The following SLK variants were observed in gnomAD, a reference collection of about 807,000 sequenced individuals.
The protein encoded by SLK is STE20 like kinase, also known as STE20-like serine/threonine-protein kinase.
Under a neutral mutation model 147.7 loss-of-function variants are expected in SLK, and 67 were observed. That is an observed-to-expected ratio of 0.45 (90% confidence interval 0.37 to 0.56). The LOEUF (loss-of-function observed/expected upper bound fraction) is 0.56. Ranked by LOEUF, SLK falls within the 20% of genes least tolerant of loss-of-function variation. The probability of loss-of-function intolerance (pLI) is 0.00; values close to 1 mark genes in which losing one functional copy is unlikely to be tolerated. For missense variants in SLK, 1,136 were observed against 1,438.8 expected, an observed-to-expected ratio of 0.79 and a Z score of 3.41; for synonymous variants, 441 against 475.0, an observed-to-expected ratio of 0.93 and a Z score of 0.93.
rs1422106961 is a variant in SLK, at chr10:104,003,159, G to A, written c.1981G>A (p.Asp661Asn). ...GGTCAGAAGTGTGGTGGCTGATACT[G>A]ACCAAAAGGCTTTAGGAAGTGAAGT... ...MEVRSVVADT[D>N]QKALGSEVQD... Residue 661 changes from aspartate (D) to asparagine (N), a missense_variant, in exon 9 of 19, where the codon GAC becomes AAC. This residue lies in a region of SLK where 516 missense variants were observed against 531.3 expected (regional missense o/e 0.97). Transcript: ENST00000369755. The A allele has an allele frequency of 2.5e-6, 4 of 1,614,076 alleles. No individual in the cohort carries two copies. The Admixed American group carries it at 6.7e-5, about 27-fold the overall frequency.
At chr10:103,992,951 AAGC>A in intron 3 of SLK, 30 bp from the exon 4 acceptor site, 1 of 1,550,398 alleles carries the variant, frequency 6.4e-7, no homozygotes. Flanking sequence ...ACTGTATAAA[AAGC>A]AGATTTTTTT....
chr10:104,018,796 C>T lies in SLK; in HGVS notation c.3020C>T (p.Ala1007Val), dbSNP rs1289730087. Residue 1007 changes from alanine to valine, a missense_variant, in exon 15 of 19, where the codon GCA becomes GTA. This residue lies in a region of SLK where 327 missense variants were observed against 457.5 expected (regional missense o/e 0.71). Transcript: ENST00000369755. ...TGCTGTCTTCTAGCTCGAGAAGCTGCAATTTGGGAGCTCGAAGAACGACAC... is the reference window on the plus strand; with the variant it reads ...TGCTGTCTTCTAGCTCGAGAAGCTGTAATTTGGGAGCTCGAAGAACGACAC... Reference protein sequence around the residue: ...KQQLMRAREAAIWELEERHLQ... With the variant: ...KQQLMRAREAVIWELEERHLQ... 1 of 1,611,220 alleles carries T rather than the reference C, an allele frequency of 6.2e-7. No individual in the cohort carries two copies. The highest frequency in any genetic ancestry group is 8.5e-7 in the Non-Finnish European group (1 of 1,179,316).
In SLK at chr10:104,026,753, A is replaced by T. The variant is rs1844604309; in HGVS notation, c.*1033A>T. The stretch of plus-strand genomic sequence containing the variant: ...AGGCATTAGTTCAGAATACTTTTTT[A>T]AAAGTTTAAATTAAATATTTAGGCA... On this transcript the variant is annotated 3_prime_UTR_variant, in exon 19 of 19. Transcript: ENST00000369755. The T allele has an allele frequency of 6.6e-6, 1 of 152,196 alleles. No homozygotes were observed. Among genetic ancestry groups the T allele is most frequent in the South Asian group, 2.1e-4 (1 of 4,838 alleles). 9.4% of individuals were successfully genotyped at this position (152,196 alleles called of 1,614,324 possible).
At chr10:104,001,864 C>T (rs557234293) in intron 8 of SLK, among the ~76,000 whole-genome samples, 22 of 152,056 alleles carry the variant, frequency 1.4e-4, no homozygotes, top group African/African-American at 4.8e-4. Flanking sequence ...TACAGGCATG[C>T]GCCACCACAC....
Position 104,002,521 on chromosome 10 carries a change from G to A in SLK, c.1343G>A (p.Ser448Asn). The A allele has an allele frequency of 6.2e-7, 1 of 1,611,258 alleles. No homozygotes were observed. The highest frequency in any genetic ancestry group is 8.5e-7 in the Non-Finnish European group (1 of 1,178,776). The change falls in exon 9 of 19, where the codon AGT (serine) becomes AAT (asparagine). Residue 448 changes from serine to asparagine, a missense_variant. Ser to Asn is a conservative substitution (Grantham distance 46, BLOSUM62 1). Around this residue, in one of 6 missense-constraint regions of SLK, gnomAD observed 516 missense variants for 531.3 expected, o/e 0.97. Coordinates refer to ENST00000369755, the MANE Select transcript of SLK (RefSeq NM_014720.4). ...DQETVDINSV[S>N]EGKENNIMIT... ...GAAACTGTGGACATTAATTCAGTCA[G>A]TGAAGGAAAAGAGAATAATATAATG...
chr10:103,992,142 T>TTTTTTTTTTTG (rs376543816), intron 2 of SLK, among the ~76,000 whole-genome samples: 2 of 13,302 alleles, frequency 1.5e-4, no homozygotes, highest in Non-Finnish European at 3.4e-4. Context: ...ATTTCTTCTG[T>TTTTTTTTTTTG]TTTTTTTTTT....
At chr10:103,989,468 T>C (rs887460381) in intron 1 of SLK, among the ~76,000 whole-genome samples, 3 of 137,824 alleles carry the variant, frequency 2.2e-5, no homozygotes, top group African/African-American at 5.6e-5. Flanking sequence ...CAGTTTCTTT[T>C]TTTTTTTTTT....
intron 13 of SLK, among the ~76,000 whole-genome samples, chr10:104,013,117 A>G (rs1844419977): frequency 1.3e-5 from 2 of 152,244 alleles, no homozygotes; most frequent in South Asian, 4.1e-4. Context: ...ATTTCTATCT[A>G]CTGCTTTAAG....
Position 104,019,779 on chromosome 10 carries a change from T to C in SLK, c.3178T>C (p.Leu1060=), listed in dbSNP as rs764538601. Residue 1060 remains leucine (L), a synonymous_variant, in exon 16 of 19, where the codon TTG becomes CTG. Coordinates refer to ENST00000369755, the MANE Select transcript of SLK (RefSeq NM_014720.4). The part of the protein sequence containing the change: ...QRYNQRLIEE[L]KNRQTQERAR... The stretch of plus-strand genomic sequence containing the variant: ...TTACAATCAAAGACTTATTGAGGAA[T>C]TGAAAAACAGACAGACTCAAGAAAG... 9 of 1,614,096 alleles carry C rather than the reference T, an allele frequency of 5.6e-6. No individual in the cohort carries two copies. In the Admixed American group the frequency reaches 1.2e-4, roughly 21 times the overall value.
At chr10:103,968,981 T>C (rs1199321446) in intron 1 of SLK, among the ~76,000 whole-genome samples, 1 of 152,158 alleles carries the variant, frequency 6.6e-6, no homozygotes, top group Non-Finnish European at 1.5e-5. Flanking sequence ...CTTTCTTTTT[T>C]TTTTGAGACG....
At position 104,020,468 on chromosome 10, in the gene SLK, T is replaced by G. The variant is rs1844520019; in HGVS notation, c.3322-20T>G. On this transcript the variant is annotated intron_variant, in intron 16 of 18. Coordinates refer to ENST00000369755, the MANE Select transcript of SLK (RefSeq NM_014720.4). Reference sequence around the variant, plus strand: ...TCACATGCTTCTGAACTATAGTTTATCTTTTTTTCTTATTTATAGTTTGCT... The same window carrying G: ...TCACATGCTTCTGAACTATAGTTTAGCTTTTTTTCTTATTTATAGTTTGCT... 6.2e-7 allele frequency: 1 copy of G among 1,602,504 alleles called. No individual in the cohort carries two copies. Among genetic ancestry groups the G allele is most frequent in the Admixed American group, 1.7e-5 (1 of 57,682 alleles).
At chr10:103,992,159 T>TTTTTTTTTTTTTC (rs1554842829) in intron 2 of SLK, among the ~76,000 whole-genome samples, 1 of 138,944 alleles carries the variant, frequency 7.2e-6, no homozygotes, top group Non-Finnish European at 1.6e-5. Flanking sequence ...TTTTTTTTTT[T>TTTTTTTTTTTTTC]CTAAAAGAAG....
intron 1 of SLK, among the ~76,000 whole-genome samples, chr10:103,975,230 G>A (rs1843854126): frequency 6.6e-6 from 1 of 151,928 alleles, no homozygotes; most frequent in African/African-American, 2.4e-5. Flanking sequence ...GTCTATTAGA[G>A]ATTTCTGCTT....
At chr10:104,001,339 C>T (rs1390525112) in intron 7 of SLK, 105 bp from the exon 8 acceptor site, 7 of 877,934 alleles carry the variant, frequency 8.0e-6, no homozygotes, top group South Asian at 1.9e-5. Context: ...TTTTCCTGCC[C>T]ACATGTTCAT....
intron 1 of SLK, among the ~76,000 whole-genome samples, chr10:103,976,688 A>G (rs1438549053): frequency 6.6e-6 from 1 of 152,118 alleles, no homozygotes; most frequent in African/African-American, 2.4e-5. Context: ...AGCCATTACT[A>G]CAATCCAGCT....
At chr10:104,005,471 A>G (rs1844312197) in intron 9 of SLK, 90 bp from the exon 10 acceptor site, 1 of 1,240,178 alleles carries the variant, frequency 8.1e-7, no homozygotes, top group Non-Finnish European at 1.1e-6. Flanking sequence ...TTTTGTTTTA[A>G]AAAAGAAAGA....
chr10:103,991,578 T>G (rs2134471613), intron 2 of SLK, among the ~76,000 whole-genome samples: 1 of 152,174 alleles, frequency 6.6e-6, no homozygotes. Context: ...GTGCTGCCAC[T>G]TACGGAACTT....
At chr10:103,979,097 C>A (rs1178530493) in intron 1 of SLK, among the ~76,000 whole-genome samples, 1 of 152,212 alleles carries the variant, frequency 6.6e-6, no homozygotes, top group South Asian at 2.1e-4. Flanking sequence ...CTCACTGCAA[C>A]CTCCGCTTCC....
chr10:103,973,222 G>C (rs1409805010), intron 1 of SLK, among the ~76,000 whole-genome samples: 3 of 152,156 alleles, frequency 2.0e-5, no homozygotes, highest in Non-Finnish European at 4.4e-5. Context: ...GTATGAGGTA[G>C]GGGTCCAGTT....
Sources: gnomAD v4.1 joint callset for allele counts (sites outside exome capture counted in the v4.1 genomes callset) on GRCh38, gnomAD v4.1.1 for gene constraint, gnomAD v4.1.1 regional missense constraint, MANE v1.5 for transcripts, NCBI Gene and HGNC (gene_info 2026-07-23, HGNC 2026-07-21) for gene names.